PRSS54: variants seen among roughly 807,000 people sequenced by gnomAD.
PRSS54 encodes inactive serine protease 54.
PRSS54 carries 16 observed loss-of-function variants against 19.9 expected under a neutral mutation model. That is an observed-to-expected ratio of 0.80 (90% CI 0.54 to 1.22). PRSS54 has a LOEUF of 1.22. Among genes scored for constraint, PRSS54 ranks in the 50% most tolerant of loss-of-function variants. The probability of loss-of-function intolerance (pLI) is 0.00; values close to 1 mark genes in which losing one functional copy is unlikely to be tolerated. For synonymous variants in PRSS54, 177 were observed against 195.8 expected (o/e 0.90, Z 0.80); for missense variants, 444 against 494.8 (o/e 0.90, Z 0.97).
rs771746715 is a variant in PRSS54, at chr16:58,280,671, C to T, written c.741G>A (p.Thr247=). Residue 247 remains threonine (T), a synonymous_variant, in exon 7 of 7, where the codon ACG becomes ACA. Transcript: ENST00000567164. Reference sequence around the variant, plus strand: ...TGGTGTACAGAAACAGGCCAGGGCACGTCTCACCACCGAAGTTCAGGACTC... The same window carrying T: ...TGGTGTACAGAAACAGGCCAGGGCATGTCTCACCACCGAAGTTCAGGACTC... ...LRGVLNFGGE[T]CPGLFLYTKV... is the part of the protein sequence containing the mutation. 7 of 1,614,020 alleles carry T rather than the reference C, an allele frequency of 4.3e-6. No individual in the cohort carries two copies. Among genetic ancestry groups the T allele is most frequent in the Admixed American group, 1.7e-5 (1 of 60,008 alleles).
intron 3 of PRSS54, among the ~76,000 whole-genome samples, chr16:58,292,668 C>G (rs1013028443): frequency 1.5e-4 from 23 of 152,200 alleles, no homozygotes; most frequent in African/African-American, 5.3e-4. Flanking sequence ...CTAAGTGCAT[C>G]AGAACCACTA....
At chr16:58,287,148 T>G (rs1964935832) in intron 4 of PRSS54, among the ~76,000 whole-genome samples, 1 of 152,108 alleles carries the variant, frequency 6.6e-6, no homozygotes, top group Admixed American at 6.6e-5. Flanking sequence ...TTAAGAAAAC[T>G]TTTCAGAACT....
chr16:58,291,671 A>G (rs1044469017), intron 3 of PRSS54, among the ~76,000 whole-genome samples: 4 of 151,926 alleles, frequency 2.6e-5, no homozygotes, highest in Non-Finnish European at 5.9e-5. Flanking sequence ...TTTAGTAGAG[A>G]TGAGGTCTTG....
At chr16:58,284,811 G>A (rs1964872281) in intron 5 of PRSS54, 90 bp from the exon 6 acceptor site, 1 of 1,426,794 alleles carries the variant, frequency 7.0e-7, no homozygotes, top group Non-Finnish European at 9.4e-7. Flanking sequence ...CCAAACGAGA[G>A]TGAGAATTTT....
At chr16:58,289,556 G>A (rs1302430254) in intron 4 of PRSS54, among the ~76,000 whole-genome samples, 1 of 146,840 alleles carries the variant, frequency 6.8e-6, no homozygotes, top group Non-Finnish European at 1.5e-5. Flanking sequence ...TTGGTTTCTC[G>A]TGAACATTTT....
Position 58,280,106 on chromosome 16 carries a change from G to T in PRSS54, c.*118C>A. The T allele has an allele frequency of 9.7e-7, 1 of 1,032,304 alleles. No individual in the cohort carries two copies. Among genetic ancestry groups the T allele is most frequent in the Non-Finnish European group, 1.4e-6 (1 of 701,862 alleles). 63.9% of individuals were successfully genotyped at this position (1,032,304 alleles called of 1,614,324 possible). A position where few individuals can be genotyped will look rare whatever the true frequency, so the allele number is the denominator to read the frequency against. On this transcript the variant is annotated 3_prime_UTR_variant, in exon 7 of 7. Coordinates refer to ENST00000567164, the MANE Select transcript of PRSS54 (RefSeq NM_001305173.2). ...AGAGCCAGCCCAGTGTATGCCATGG[G>T]CTTATCCGTGGCAGCCCCAGTGTGC...
chr16:58,281,981 T>A (rs1964762702), intron 6 of PRSS54: 1 of 151,156 alleles, frequency 6.6e-6, no homozygotes, highest in Non-Finnish European at 1.5e-5. Flanking sequence ...TAGCTGGGGC[T>A]ACAGCTATGC....
chr16:58,284,859 G>T, intron 5 of PRSS54, 138 bp from the exon 6 acceptor site: 2 of 898,872 alleles, frequency 2.2e-6, no homozygotes, highest in East Asian at 2.7e-5. Context: ...CTGTCACGCA[G>T]GCTGGAGTAC....
At chr16:58,284,079 T>C (rs775822567) in intron 6 of PRSS54, among the ~76,000 whole-genome samples, 5 of 152,208 alleles carry the variant, frequency 3.3e-5, no homozygotes, top group Non-Finnish European at 7.3e-5. Context: ...CCACACTTTC[T>C]CCAGATTTGG....
rs575840577 is a variant in PRSS54 at position 58,292,817 on chromosome 16, G to A, written c.85+915C>T. 3.9e-5 allele frequency among the ~76,000 whole-genome samples: 6 copies of A among 152,326 alleles called. No homozygotes were observed. The South Asian group carries it at 1.2e-3, about 32-fold the overall frequency. On this transcript the variant is annotated intron_variant, in intron 3 of 6. Coordinates refer to ENST00000567164, the MANE Select transcript of PRSS54 (RefSeq NM_001305173.2). ...TTTTGCTTTTTCAAAGCTCTAGTTGGCTAGTTTATCTGACCTCACAAAACC... is the reference window on the plus strand; with the variant it reads ...TTTTGCTTTTTCAAAGCTCTAGTTGACTAGTTTATCTGACCTCACAAAACC...
At chr16:58,289,330 T>C (rs1964986886) in intron 4 of PRSS54, among the ~76,000 whole-genome samples, 1 of 152,224 alleles carries the variant, frequency 6.6e-6, no homozygotes, top group Admixed American at 6.5e-5. Context: ...ATATTTGTTA[T>C]AACAGCCTAA....
chr16:58,281,134 T>C (rs761929124), intron 6 of PRSS54: 4 of 214,832 alleles, frequency 1.9e-5, no homozygotes, highest in African/African-American at 2.3e-5. Flanking sequence ...TCTGCCTTGC[T>C]TCAACCCTTA....
At chr16:58,286,568 T>A (rs191892926) in intron 4 of PRSS54, among the ~76,000 whole-genome samples, 3 of 152,298 alleles carry the variant, frequency 2.0e-5, no homozygotes, top group Non-Finnish European at 1.5e-5. Flanking sequence ...TCATCTTGAC[T>A]CCTGCTTTTA....
Position 58,290,947 on chromosome 16 carries a change from A to G in PRSS54, c.263+12T>C, listed in dbSNP as rs763623264. 4 of 1,613,110 alleles carry G rather than the reference A, an allele frequency of 2.5e-6. No homozygotes were observed. In the South Asian group the frequency reaches 3.3e-5, roughly 13 times the overall value. Reference sequence around the variant, plus strand: ...CGGCGATGTTGCGGGCCCCAAAGGCAGGGGCACTGGCCTGTTCTGAATGGC... The same window carrying G: ...CGGCGATGTTGCGGGCCCCAAAGGCGGGGGCACTGGCCTGTTCTGAATGGC... On this transcript the variant is annotated intron_variant, in intron 4 of 6. Transcript: ENST00000567164.
chr16:58,283,895 A>G (rs1040263434), intron 6 of PRSS54: 1 of 152,190 alleles, frequency 6.6e-6, no homozygotes, highest in Non-Finnish European at 1.5e-5. Context: ...TCTGGATCCT[A>G]TGGGGAAAAA....
intron 4 of PRSS54, among the ~76,000 whole-genome samples, chr16:58,289,754 G>T (rs1964996073): frequency 6.6e-6 from 1 of 151,812 alleles, no homozygotes; most frequent in African/African-American, 2.4e-5. Context: ...GTATTTTTTA[G>T]TAGAGACAGG....
chr16:58,290,030 T>C (rs982187468), intron 4 of PRSS54, among the ~76,000 whole-genome samples: 15 of 151,346 alleles, frequency 9.9e-5, no homozygotes, highest in Non-Finnish European at 1.9e-4. Context: ...TACGTAATTA[T>C]AGATTATATA....
chr16:58,280,712 G>C lies in PRSS54; in HGVS notation c.700C>G (p.Leu234Val). 1 of 1,613,764 alleles carries C rather than the reference G, an allele frequency of 6.2e-7. No individual in the cohort carries two copies. The change falls in exon 7 of 7, where the codon CTG becomes GTG. Residue 234 changes from leucine (L) to valine (V), a missense_variant. Physicochemically the swap from Leu to Val is conservative, Grantham distance 32. Coordinates refer to ENST00000567164, the MANE Select transcript of PRSS54 (RefSeq NM_001305173.2). ...TTCAGGACTCCTCTCAGAACCCACA[G>C]ATCGAACTGCTGTAGCTGGCACATC... ...PMMCQLQQFDLWVLRGVLNFG... is the reference protein window; with the variant it reads ...PMMCQLQQFDVWVLRGVLNFG...
intron 3 of PRSS54, among the ~76,000 whole-genome samples, chr16:58,292,016 C>T (rs1567516833): frequency 6.6e-6 from 1 of 152,106 alleles, no homozygotes; most frequent in African/African-American, 2.4e-5. Flanking sequence ...GCAACCTCTG[C>T]CTCCTGGGTT....
Sources: allele counts gnomAD v4.1 joint callset (sites outside exome capture counted in the v4.1 genomes callset), GRCh38; gene constraint gnomAD v4.1.1; transcripts MANE v1.5; gene names NCBI Gene and HGNC (gene_info 2026-07-23, HGNC 2026-07-21).